The following METAP2 variants were observed in gnomAD, a reference collection of about 807,000 sequenced individuals.
METAP2 encodes methionyl aminopeptidase 2.
In METAP2, 25 loss-of-function variants were observed where a neutral mutation model predicts 59.4. That is an observed-to-expected ratio of 0.42 (90% CI 0.31 to 0.59). The LOEUF (loss-of-function observed/expected upper bound fraction) is 0.59, where lower values mean the gene tolerates loss of function less well. METAP2 is among the 20% of genes least tolerant of loss of function. The pLI, the probability that METAP2 is intolerant of heterozygous loss-of-function variation, is 0.16. For missense variants in METAP2, 366 were observed against 581.2 expected (o/e 0.63, Z 3.81); for synonymous variants, 214 against 194.1 (o/e 1.10, Z -0.85).
intron 1 of METAP2, among the ~76,000 whole-genome samples, chr12:95,474,819 G>T (rs533345347): frequency 6.6e-6 from 1 of 152,156 alleles, no homozygotes; most frequent in Non-Finnish European, 1.5e-5. Flanking sequence ...CCCGTTTCAC[G>T]TTGGGGTTGT....
chr12:95,474,273 G>T lies in METAP2; in HGVS notation c.94G>T (p.Glu32Ter), dbSNP rs200671462. The T allele has an allele frequency of 6.2e-7, 1 of 1,614,230 alleles. No homozygotes were observed. Among genetic ancestry groups the T allele is most frequent in the Non-Finnish European group, 8.5e-7 (1 of 1,180,036 alleles). The change falls in exon 1 of 11, where the codon GAG (glutamate) becomes TAG (stop). Residue 32 changes from glutamate (E) to a stop codon, truncating the protein, a stop_gained. Coordinates refer to ENST00000323666, the MANE Select transcript of METAP2 (RefSeq NM_006838.4). LOFTEE classifies it high-confidence loss of function. Reference protein sequence around the residue: ...DREEGAASTAEEAAKKKRRKK... With the variant: ...DREEGAASTA The stretch of plus-strand genomic sequence containing the variant: ...GGAAGAAGGAGCTGCCTCTACGGCT[G>T]AGGAAGCAGCCAAGAAAAAAAGACG...
chr12:95,513,099 A>ACACACG (rs2076416024), intron 10 of METAP2, among the ~76,000 whole-genome samples, 183 bp downstream of exon 10: 1 of 136,316 alleles, frequency 7.3e-6, no homozygotes, highest in Admixed American at 7.1e-5. Context: ...TTACACACAC[A>ACACACG]CACACACACA....
chr12:95,486,678 A>G (rs1172842075), intron 4 of METAP2, among the ~76,000 whole-genome samples: 1 of 151,862 alleles, frequency 6.6e-6, no homozygotes, highest in Non-Finnish European at 1.5e-5. Flanking sequence ...TGTATTTTTA[A>G]TAGAGACGGG....
chr12:95,499,332 A>G lies in METAP2; in HGVS notation c.867+3234A>G, dbSNP rs74705260. 9.2e-3 allele frequency among the ~76,000 whole-genome samples: 1,396 copies of G among 152,194 alleles called. 28 individuals carry two copies. The highest frequency in any genetic ancestry group is 0.032 in the African/African-American group (1,337 of 41,530). On this transcript the variant is annotated intron_variant, in intron 7 of 10. Coordinates refer to ENST00000323666, the MANE Select transcript of METAP2 (RefSeq NM_006838.4). ...ATTTTGTTTGTTTTTTATAGAGACA[A>G]GTCTCACTGTGTTGCTCAGGTTGGT...
intron 8 of METAP2, among the ~76,000 whole-genome samples, chr12:95,509,870 ACT>A (rs1161666756): frequency 2.5e-5 from 3 of 122,180 alleles, no homozygotes; most frequent in African/African-American, 3.2e-5. Flanking sequence ...TTTTTTTGAG[ACT>A]CTGTCGCCCA....
chr12:95,507,064 G>A (rs138616677), intron 8 of METAP2, among the ~76,000 whole-genome samples: 5 of 152,096 alleles, frequency 3.3e-5, no homozygotes, highest in Non-Finnish European at 5.9e-5. Flanking sequence ...CACTGTACCC[G>A]GCCCAGAATA....
chr12:95,495,921 G>A, intron 6 of METAP2, 83 bp from the exon 7 acceptor site: 1 of 813,596 alleles, frequency 1.2e-6, no homozygotes, highest in East Asian at 2.5e-5. Context: ...TGTTAAACTA[G>A]CAAGATTAAT....
intron 7 of METAP2, among the ~76,000 whole-genome samples, chr12:95,498,312 A>G (rs2076290415): frequency 6.6e-6 from 1 of 151,590 alleles, no homozygotes; most frequent in South Asian, 2.1e-4. Context: ...GTTGAGTTTT[A>G]GGAATTCTGT....
intron 3 of METAP2, chr12:95,484,898 G>T: frequency 2.2e-6 from 1 of 452,506 alleles, no homozygotes; most frequent in Non-Finnish European, 4.4e-6. Context: ...TCTTGTTTTG[G>T]TTTTTACTAA....
At chr12:95,479,852 G>A (rs920446786) in intron 2 of METAP2, among the ~76,000 whole-genome samples, 10 of 151,942 alleles carry the variant, frequency 6.6e-5, no homozygotes, top group Admixed American at 6.6e-4. Context: ...CAAGTGATCC[G>A]CCCGCCTCAG....
At chr12:95,501,774 T>A (rs1291879969) in intron 7 of METAP2, among the ~76,000 whole-genome samples, 1 of 151,044 alleles carries the variant, frequency 6.6e-6, no homozygotes, top group African/African-American at 2.4e-5. Flanking sequence ...AAACAAATAG[T>A]GTTTGCAGAC....
chr12:95,506,830 A>G (rs1334000049), intron 8 of METAP2, among the ~76,000 whole-genome samples: 1 of 151,914 alleles, frequency 6.6e-6, no homozygotes, highest in Non-Finnish European at 1.5e-5. Context: ...TTATTTATTG[A>G]GACAGAGTCT....
intron 8 of METAP2, 100 bp from the exon 9 acceptor site, chr12:95,511,795 G>C (rs530463250): frequency 4.0e-5 from 29 of 729,990 alleles, no homozygotes; most frequent in Non-Finnish European, 6.1e-5. Context: ...GCCATACCTG[G>C]TTTTTGAATA....
At chr12:95,489,251 GA>G (rs142478507) in intron 4 of METAP2, among the ~76,000 whole-genome samples, 11,694 of 152,074 alleles carry the variant, frequency 0.077, 594 homozygotes, top group African/African-American at 0.13. Flanking sequence ...TTTAATACAT[GA>G]AAAAAATGAG....
chr12:95,503,165 G>T (rs567896119), intron 7 of METAP2, among the ~76,000 whole-genome samples: 104 of 152,014 alleles, frequency 6.8e-4, no homozygotes, highest in African/African-American at 2.1e-3. Flanking sequence ...ATGTGATATG[G>T]TAATTCTGAA....
intron 2 of METAP2, 50 bp downstream of exon 2, chr12:95,476,228 C>T (rs201296611): frequency 2.3e-5 from 29 of 1,279,210 alleles, no homozygotes; most frequent in African/African-American, 1.5e-4. Context: ...AAAATGTAGC[C>T]GGGTGTGGTG....
chr12:95,485,770 T>A, intron 3 of METAP2, 109 bp from the exon 4 acceptor site: 1 of 681,596 alleles, frequency 1.5e-6, no homozygotes, highest in Non-Finnish European at 2.4e-6. Flanking sequence ...CAGCAAGGAG[T>A]TTCCTTAAAA....
chr12:95,513,860 C>G lies in METAP2; in HGVS notation c.1393C>G (p.Arg465Gly). 6.2e-7 allele frequency: 1 copy of G among 1,614,090 alleles called. No homozygotes were observed. Among genetic ancestry groups the G allele is most frequent in the Non-Finnish European group, 8.5e-7 (1 of 1,179,980 alleles). Residue 465 changes from arginine to glycine, a missense_variant, in exon 11 of 11, where the codon CGT (arginine) becomes GGT (glycine). Around this residue, in one of 4 missense-constraint regions of METAP2, gnomAD observed 82 missense variants for 156.2 expected, o/e 0.52. Coordinates refer to ENST00000323666, the MANE Select transcript of METAP2 (RefSeq NM_006838.4). ...TAQFEHTILL[R>G]PTCKEVVSRG... is the part of the protein sequence containing the mutation. ...GCAATTTGAACATACCATCCTGTTGCGTCCAACATGTAAAGAAGTTGTCAG... is the reference window on the plus strand; with the variant it reads ...GCAATTTGAACATACCATCCTGTTGGGTCCAACATGTAAAGAAGTTGTCAG...
chr12:95,512,723 A>G (rs965216093), intron 9 of METAP2, 78 bp from the exon 10 acceptor site: 30 of 783,334 alleles, frequency 3.8e-5, no homozygotes, highest in Non-Finnish European at 5.6e-5. Context: ...AAAGAGAGAG[A>G]GAGAAAGAGA....
Sources: gnomAD v4.1 joint callset for allele counts (sites outside exome capture counted in the v4.1 genomes callset) on GRCh38, gnomAD v4.1.1 for gene constraint, gnomAD v4.1.1 regional missense constraint, MANE v1.5 for transcripts, NCBI Gene and HGNC (gene_info 2026-07-23, HGNC 2026-07-21) for gene names.